FBXO9: variants seen among roughly 807,000 people sequenced by gnomAD.
FBXO9 encodes the protein F-box protein 9, also known as F-box only protein 9.
A neutral mutation model predicts 63.7 loss-of-function variants in FBXO9; 43 were observed. That is an observed-to-expected ratio of 0.67 (90% CI 0.53 to 0.87). The LOEUF (loss-of-function observed/expected upper bound fraction) is 0.87, where lower values mean the gene tolerates loss of function less well. Among genes scored for constraint, FBXO9 ranks in the 40% least tolerant of loss-of-function variants. The pLI, the probability that FBXO9 is intolerant of heterozygous loss-of-function variation, is 0.00. For missense variants in FBXO9, 442 were observed against 533.2 expected, an observed-to-expected ratio of 0.83 and a Z score of 1.68; for synonymous variants, 156 against 171.7, an observed-to-expected ratio of 0.91 and a Z score of 0.72.
intron 3 of FBXO9, among the ~76,000 whole-genome samples, chr6:53,075,694 T>C (rs988807977): frequency 2.0e-5 from 3 of 149,262 alleles, no homozygotes; most frequent in African/African-American, 7.3e-5. Flanking sequence ...CTGAAATATC[T>C]GTTGATGTCT....
intron 1 of FBXO9, chr6:53,070,737 G>A (rs950011512): frequency 3.4e-6 from 1 of 292,472 alleles, no homozygotes; most frequent in Admixed American, 4.5e-5. Context: ...AATCACCTGT[G>A]GATACTGAGG....
intron 7 of FBXO9, chr6:53,092,159 A>G (rs1422424718): frequency 2.4e-5 from 8 of 327,562 alleles, no homozygotes; most frequent in African/African-American, 1.1e-4. Flanking sequence ...TGGCCTCCCT[A>G]TTTCCTCACC....
At chr6:53,091,661 C>G (rs112932619) in intron 7 of FBXO9, 11,781 of 152,472 alleles carry the variant, frequency 0.077, 1,172 homozygotes, top group African/African-American at 0.23. Context: ...GCCACCATGC[C>G]CAGCCCCTGC....
In FBXO9 at chr6:53,065,676, T is replaced by G. The variant is rs1329814464; in HGVS notation, c.-114T>G. Reference sequence around the variant, plus strand: ...TCTCCGACCGAGAACTCTGCTAAGCTCCGCTGCAGAGACAGGCAGGAGTAG... The same window carrying G: ...TCTCCGACCGAGAACTCTGCTAAGCGCCGCTGCAGAGACAGGCAGGAGTAG... On this transcript the variant is annotated 5_prime_UTR_variant, in exon 1 of 13. Transcript: ENST00000323557. The G allele has an allele frequency of 1.6e-6, 2 of 1,270,412 alleles. No homozygotes were observed. Among genetic ancestry groups the G allele is most frequent in the Non-Finnish European group, 2.1e-6 (2 of 971,924 alleles). The allele number at this position is 1,270,412 out of a possible 1,614,324, so 78.7% of individuals were successfully genotyped here.
At chr6:53,071,030 G>A in intron 1 of FBXO9, 27 bp from the exon 2 acceptor site, 3 of 1,558,814 alleles carry the variant, frequency 1.9e-6, no homozygotes, top group Non-Finnish European at 2.6e-6. Flanking sequence ...TTATATGCCT[G>A]ACATTATTTG....
intron 2 of FBXO9, 61 bp downstream of exon 2, chr6:53,071,204 TTGATCA>T: frequency 6.9e-7 from 1 of 1,458,626 alleles, no homozygotes; most frequent in East Asian, 2.5e-5. Context: ...TATGCAGAAA[TTGATCA>T]TAATCATGGG....
chr6:53,070,009 CTT>C (rs999829603), intron 1 of FBXO9, among the ~76,000 whole-genome samples: 26 of 111,592 alleles, frequency 2.3e-4, no homozygotes, highest in African/African-American at 8.6e-4. Context: ...TTTTTCTTTT[CTT>C]TTTTCCTTTT....
chr6:53,080,938 C>G (rs1454823475), intron 5 of FBXO9, 30 bp from the exon 6 acceptor site: 8 of 1,611,896 alleles, frequency 5.0e-6, no homozygotes, highest in Non-Finnish European at 5.1e-6. Context: ...TAGACTGAGG[C>G]ACTTAATTTA....
At chr6:53,073,739 G>A (rs1432023185) in intron 3 of FBXO9, 100 bp downstream of exon 3, 1 of 970,254 alleles carries the variant, frequency 1.0e-6, no homozygotes, top group East Asian at 2.6e-5. Flanking sequence ...AGACTTTCGG[G>A]ACATAAACAC....
rs562715799 is a variant in FBXO9, at chr6:53,075,526, G to A, written c.250-960G>A. Among the ~76,000 whole-genome samples the A allele has an allele frequency of 1.9e-3, 288 of 150,834 alleles. 1 individual carries two copies. Among genetic ancestry groups the A allele is most frequent in the African/African-American group, 6.4e-3 (264 of 41,196 alleles). On this transcript the variant is annotated intron_variant, in intron 3 of 12. Coordinates refer to ENST00000323557, the MANE Select transcript of FBXO9 (RefSeq NM_033480.3). ...CTCCCAAAGTGCTGGGATTACAGGA[G>A]TGAGCCACTGCACCTGGCCTTTAAT...
At position 53,097,785 on chromosome 6, in the gene FBXO9, C is replaced by T. The variant is rs1436104395; in HGVS notation, c.1269C>T (p.Phe423=). The change falls in exon 13 of 13, where the codon TTC becomes TTT. Residue 423 remains phenylalanine, a synonymous_variant. Transcript: ENST00000323557. ...ACAAGATGTACACCCCCTTGTTCTT[C>T]GCCAGAGTAAGGAGCTACACAGCTT... ...EIDKMYTPLF[F]ARVRSYTAFS... 1.1e-5 allele frequency: 17 copies of T among 1,608,904 alleles called. No homozygotes were observed. The highest frequency in any genetic ancestry group is 2.2e-5 in the East Asian group (1 of 44,622).
At chr6:53,072,937 G>A (rs1768971832) in intron 2 of FBXO9, among the ~76,000 whole-genome samples, 1 of 152,130 alleles carries the variant, frequency 6.6e-6, no homozygotes, top group Non-Finnish European at 1.5e-5. Flanking sequence ...TGGCCGGGCT[G>A]TTCTCGAACT....
intron 4 of FBXO9, 78 bp from the exon 5 acceptor site, chr6:53,078,721 A>T: frequency 1.9e-6 from 2 of 1,058,668 alleles, no homozygotes; most frequent in Non-Finnish European, 2.8e-6. Flanking sequence ...TTACCAAATT[A>T]AACCACAGTT....
At chr6:53,089,346 A>T (rs1364006651) in intron 7 of FBXO9, among the ~76,000 whole-genome samples, 2 of 152,078 alleles carry the variant, frequency 1.3e-5, no homozygotes, top group Non-Finnish European at 2.9e-5. Flanking sequence ...AAGTGCTGGG[A>T]TTACAGACGT....
chr6:53,065,920 G>T (rs1468643343), intron 1 of FBXO9, 128 bp downstream of exon 1: 10 of 1,187,418 alleles, frequency 8.4e-6, no homozygotes, highest in Non-Finnish European at 1.1e-5. Flanking sequence ...GCTGCCACCC[G>T]TTAGAGGGCC....
At chr6:53,090,599 A>G (rs911958574) in intron 7 of FBXO9, among the ~76,000 whole-genome samples, 1 of 152,232 alleles carries the variant, frequency 6.6e-6, no homozygotes, top group African/African-American at 2.4e-5. Flanking sequence ...AAACATTTTA[A>G]ATATACATTT....
chr6:53,084,622 A>C (rs879595479), intron 7 of FBXO9, among the ~76,000 whole-genome samples: 28 of 152,178 alleles, frequency 1.8e-4, no homozygotes, highest in Non-Finnish European at 3.5e-4. Context: ...CAGGCATGAG[A>C]CTTGTTTCTT....
Position 53,082,465 on chromosome 6 carries a change from CAT to C in FBXO9, c.539-37_539-36del, listed in dbSNP as rs774904321. 5 of 1,344,984 alleles carry C rather than the reference CAT, an allele frequency of 3.7e-6. No homozygotes were observed. In the African/African-American group the frequency reaches 7.2e-5, roughly 19 times the overall value. 83.3% of individuals were successfully genotyped at this position (1,344,984 alleles called of 1,614,324 possible). ...GAATGTAGTTGTGACAATAGAATGA[CAT>C]AGAGGAGAGTCACTGAAGGATGATT... On this transcript the variant is annotated intron_variant, in intron 6 of 12. Transcript: ENST00000323557.
At chr6:53,081,523 G>A (rs573699073) in intron 6 of FBXO9, among the ~76,000 whole-genome samples, 32 of 152,224 alleles carry the variant, frequency 2.1e-4, no homozygotes, top group African/African-American at 6.3e-4. Context: ...TGCCCACCTT[G>A]GCCTCCCAAA....
Sources: gnomAD v4.1 joint callset for allele counts (sites outside exome capture counted in the v4.1 genomes callset) on GRCh38, gnomAD v4.1.1 for gene constraint, MANE v1.5 for transcripts, NCBI Gene and HGNC (gene_info 2026-07-23, HGNC 2026-07-21) for gene names.